APEH: variants seen among roughly 807,000 people sequenced by gnomAD.
The protein encoded by APEH is acylaminoacyl-peptide hydrolase.
In APEH, 75 loss-of-function variants were observed where a neutral mutation model predicts 102.7. That is an observed-to-expected ratio of 0.73 (90% CI 0.61 to 0.89). The LOEUF (loss-of-function observed/expected upper bound fraction) is 0.89, where lower values mean the gene tolerates loss of function less well. APEH is among the 40% of genes least tolerant of loss of function. APEH has a pLI of 0.00. For missense variants in APEH, 863 were observed against 941.2 expected, an observed-to-expected ratio of 0.92 and a Z score of 1.09; for synonymous variants, 344 against 362.7, an observed-to-expected ratio of 0.95 and a Z score of 0.59.
At chr3:49,682,097 T>C in intron 17 of APEH, 130 bp downstream of exon 17, 1 of 1,067,416 alleles carries the variant, frequency 9.4e-7, no homozygotes, top group Non-Finnish European at 1.4e-6. Flanking sequence ...TAGTAACCAC[T>C]ACCAGGAACT....
chr3:49,674,395 G>C lies in APEH; in HGVS notation c.-7G>C, dbSNP rs758648634. 1.9e-6 allele frequency: 3 copies of C among 1,575,312 alleles called. No homozygotes were observed. Among genetic ancestry groups the C allele is most frequent in the South Asian group, 2.3e-5 (2 of 87,484 alleles). On this transcript the variant is annotated 5_prime_UTR_variant, in exon 1 of 22. Coordinates refer to ENST00000296456, the MANE Select transcript of APEH (RefSeq NM_001640.4). ...CCCCGCCTCGCCCCGGCGGCAGAGAGGAGACTATGGAACGTCAGGTGAGGG... is the reference window on the plus strand; with the variant it reads ...CCCCGCCTCGCCCCGGCGGCAGAGACGAGACTATGGAACGTCAGGTGAGGG...
Position 49,675,941 on chromosome 3 carries a change from G to A in APEH, c.417G>A (p.Glu139=). The A allele has an allele frequency of 6.2e-7, 1 of 1,614,222 alleles. No homozygotes were observed. The highest frequency in any genetic ancestry group is 8.5e-7 in the Non-Finnish European group (1 of 1,180,022). Residue 139 remains glutamate (E), a synonymous_variant, in exon 5 of 22, where the codon GAG becomes GAA. Transcript: ENST00000296456. ...AGAGCTTCAACCTGTCAGCGCTGGA[G>A]AAACATGGGCCTGTTTATGAGGATG... ...KLKSFNLSAL[E]KHGPVYEDDC... is the part of the protein sequence containing the mutation.
rs1286328919 is a variant in APEH at position 49,674,628 on chromosome 3, G to A, written c.145+7G>A. ...TACCGGACGGTGCACACTGGTGTGT[G>A]TGCGAAGGGGAACTGGCTGGCGACG... is the stretch of plus-strand genomic sequence containing the variant. On this transcript the variant is annotated splice_region_variant and intron_variant, in intron 2 of 21. Coordinates refer to ENST00000296456, the MANE Select transcript of APEH (RefSeq NM_001640.4). 1.3e-6 allele frequency: 2 copies of A among 1,587,066 alleles called. No homozygotes were observed. The highest frequency in any genetic ancestry group is 1.3e-5 in the African/African-American group (1 of 74,870).
chr3:49,681,083 A>T lies in APEH; in HGVS notation c.1300-18A>T. 6.4e-7 allele frequency: 1 copy of T among 1,561,244 alleles called. No individual in the cohort carries two copies. The highest frequency in any genetic ancestry group is 8.7e-7 in the Non-Finnish European group (1 of 1,151,802). On this transcript the variant is annotated intron_variant, in intron 14 of 21. Transcript: ENST00000296456. ...GAGGCAGCCAGGCCACCTATGACAC[A>T]TTCTTTCCCCTTGGCAGAAAGTTGG...
upstream of APEH, chr3:49,674,018 G>A: frequency 3.0e-6 from 1 of 333,610 alleles, no homozygotes; most frequent in Non-Finnish European, 5.6e-6. Flanking sequence ...CCCTTCTCTC[G>A]TAGGCCCTTC....
intron 11 of APEH, 125 bp downstream of exon 11, chr3:49,677,758 C>T (rs2053134259): frequency 1.1e-6 from 1 of 922,808 alleles, no homozygotes; most frequent in African/African-American, 1.6e-5. Context: ...CCTGCTGGGC[C>T]AGCCTTATGC....
chr3:49,678,443 A>G (rs1247007006), intron 11 of APEH, among the ~76,000 whole-genome samples: 1 of 152,160 alleles, frequency 6.6e-6, no homozygotes, highest in Admixed American at 6.5e-5. Context: ...ATGATATTAA[A>G]GGGTAGGATT....
chr3:49,677,739 C>A, intron 11 of APEH, 106 bp downstream of exon 11: 2 of 1,112,558 alleles, frequency 1.8e-6, no homozygotes, highest in Non-Finnish European at 2.7e-6. Context: ...CTTCTGAGGG[C>A]CCTACCTCCC....
At position 49,681,368 on chromosome 3, in the gene APEH, T is replaced by C; in HGVS notation, c.1438+129T>C. On this transcript the variant is annotated intron_variant, in intron 15 of 21. Transcript: ENST00000296456. ...TGATGACCTCTAAGAGGTTTTCTGT[T>C]CCTCTTGTGGATGGGCATGGGAAGT... The C allele has an allele frequency of 2.6e-6, 3 of 1,133,086 alleles. 1 individual carries two copies. Among genetic ancestry groups the C allele is most frequent in the Non-Finnish European group, 3.5e-6 (3 of 849,114 alleles). The allele number at this position is 1,133,086 out of a possible 1,614,324, so 70.2% of individuals were successfully genotyped here.
At chr3:49,681,844 C>T in intron 16 of APEH, 39 bp downstream of exon 16, 1 of 1,610,158 alleles carries the variant, frequency 6.2e-7, no homozygotes, top group Non-Finnish European at 8.5e-7. Flanking sequence ...CCTCCCAGCC[C>T]TCTTCCTAGC....
intron 15 of APEH, among the ~76,000 whole-genome samples, 154 bp from the exon 16 acceptor site, chr3:49,681,568 A>T (rs1029837800): frequency 1.3e-5 from 2 of 152,170 alleles, no homozygotes; most frequent in East Asian, 1.9e-4. Flanking sequence ...AGGGCAGAAG[A>T]AGTATGAGCC....
At chr3:49,674,441 G>A in intron 1 of APEH, 28 bp downstream of exon 1, 2 of 1,574,164 alleles carry the variant, frequency 1.3e-6, no homozygotes, top group Non-Finnish European at 1.7e-6. Context: ...GGTCCCCGTG[G>A]TCCCTGCAGC....
chr3:49,678,187 G>T (rs975000611), intron 11 of APEH, among the ~76,000 whole-genome samples: 11 of 152,148 alleles, frequency 7.2e-5, no homozygotes, highest in Admixed American at 2.0e-4. Flanking sequence ...ACCATCTCAA[G>T]GATGAGTCTC....
chr3:49,677,771 A>G (rs1055519711), intron 11 of APEH, 138 bp downstream of exon 11: 2 of 842,856 alleles, frequency 2.4e-6, no homozygotes, highest in Non-Finnish European at 4.0e-6. Flanking sequence ...CCTTATGCCC[A>G]GCATCCTCAG....
intron 11 of APEH, among the ~76,000 whole-genome samples, 158 bp downstream of exon 11, chr3:49,677,791 C>T (rs1377698994): frequency 1.3e-5 from 2 of 151,526 alleles, no homozygotes; most frequent in African/African-American, 4.9e-5. Flanking sequence ...GGGAGCGGGG[C>T]TGTCACCATA....
chr3:49,674,374 G>T lies in APEH; in HGVS notation c.-28G>T, dbSNP rs773970427. ...TCACTTCCGGGCGCGAGCACGCCCC[G>T]CCTCGCCCCGGCGGCAGAGAGGAGA... On this transcript the variant is annotated 5_prime_UTR_variant, in exon 1 of 22. Transcript: ENST00000296456. The T allele has an allele frequency of 1.3e-6, 2 of 1,560,656 alleles. No individual in the cohort carries two copies. Among genetic ancestry groups the T allele is most frequent in the Non-Finnish European group, 1.7e-6 (2 of 1,160,266 alleles).
In APEH at chr3:49,681,771, T is replaced by C. The variant is rs1454343929; in HGVS notation, c.1488T>C (p.Asp496=). 1 of 1,610,190 alleles carries C rather than the reference T, an allele frequency of 6.2e-7. No homozygotes were observed. Among genetic ancestry groups the C allele is most frequent in the South Asian group, 1.1e-5 (1 of 90,604 alleles). ...AILLQPGSPP[D]KTQVPMVVMP... is the part of the protein sequence containing the mutation. Reference sequence around the variant, plus strand: ...TGCTGCAGCCTGGCAGCCCTCCAGATAAGACCCAAGTGCCCATGGTGGTCA... The same window carrying C: ...TGCTGCAGCCTGGCAGCCCTCCAGACAAGACCCAAGTGCCCATGGTGGTCA... The change falls in exon 16 of 22, where the codon GAT becomes GAC. Residue 496 remains aspartate, a synonymous_variant. Transcript: ENST00000296456.
At position 49,678,764 on chromosome 3, in the gene APEH, G is replaced by A. The variant is rs1184609846; in HGVS notation, c.1061-88G>A. On this transcript the variant is annotated intron_variant, in intron 11 of 21. Transcript: ENST00000296456. ...GACTGGTGCCTGAGTAGGGCCCTGG[G>A]TGAATTCCCCAGTACCCTAGCCTTC... 7.0e-6 allele frequency: 8 copies of A among 1,135,554 alleles called. No homozygotes were observed. In the East Asian group the frequency reaches 1.6e-4, roughly 23 times the overall value. 70.3% of individuals were successfully genotyped at this position (1,135,554 alleles called of 1,614,324 possible).
At position 49,678,944 on chromosome 3, in the gene APEH, C is replaced by T. The variant is rs377221139; in HGVS notation, c.1153C>T (p.Arg385Trp). Residue 385 changes from arginine (R) to tryptophan (W), a missense_variant, in exon 12 of 22, where the codon CGG becomes TGG. Transcript: ENST00000296456. The stretch of plus-strand genomic sequence containing the variant: ...GGTCTTTGACTCGGCTCAGCGCAGC[C>T]GGCAGGTGAGGGACGCTGATTGTGT... ...RVVFDSAQRS[R>W]QDLFAVDTQV... is the part of the protein sequence containing the mutation. 68 of 1,613,142 alleles carry T rather than the reference C, an allele frequency of 4.2e-5. No individual in the cohort carries two copies. The highest frequency in any genetic ancestry group is 5.4e-5 in the Non-Finnish European group (64 of 1,179,636).
Sources: gnomAD v4.1 joint callset for allele counts (sites outside exome capture counted in the v4.1 genomes callset) on GRCh38, gnomAD v4.1.1 for gene constraint, MANE v1.5 for transcripts, NCBI Gene and HGNC (gene_info 2026-07-23, HGNC 2026-07-21) for gene names.